The following AXIN1 variants were observed in gnomAD, a reference collection of about 807,000 sequenced individuals.
AXIN1 encodes the protein axin-1.
Under a neutral mutation model 76.4 loss-of-function variants are expected in AXIN1, and 30 were observed. That is an observed-to-expected ratio of 0.39 (90% CI 0.29 to 0.53). AXIN1 has a LOEUF of 0.53. Ranked by LOEUF, AXIN1 falls within the 20% of genes least tolerant of loss-of-function variation. The probability of loss-of-function intolerance (pLI) is 0.66; values close to 1 mark genes in which losing one functional copy is unlikely to be tolerated. For missense variants in AXIN1, 1,140 were observed against 1,198.8 expected, an observed-to-expected ratio of 0.95 and a Z score of 0.72; for synonymous variants, 545 against 501.4, an observed-to-expected ratio of 1.09 and a Z score of -1.16.
At chr16:340,402 C>T (rs934375746) in intron 2 of AXIN1, among the ~76,000 whole-genome samples, 3 of 152,226 alleles carry the variant, frequency 2.0e-5, no homozygotes, top group African/African-American at 7.2e-5. Flanking sequence ...TCAGGGCAGT[C>T]AACAGAAGGG....
intron 9 of AXIN1, chr16:289,916 G>A (rs1029598921): frequency 1.2e-5 from 6 of 508,714 alleles, no homozygotes; most frequent in African/African-American, 9.6e-5. Context: ...GGCAGGGCAG[G>A]CTGCAGGGCT....
In AXIN1 at chr16:352,663, GAGCCCGAGCCAGAGCGCCGA is replaced by G. The variant is rs930436690; in HGVS notation, c.-396_-377del. 6.4e-6 allele frequency: 1 copy of G among 156,478 alleles called. No homozygotes were observed. The highest frequency in any genetic ancestry group is 1.4e-5 in the Non-Finnish European group (1 of 71,268). The allele number at this position is 156,478 out of a possible 1,614,324, so 9.7% of individuals were successfully genotyped here. Reference sequence around the variant, plus strand: ...GCGGCCACGATCGCCTCCCGAGCCAGAGCCCGAGCCAGAGCGCCGAAGCCCAGGCCCGAGCGCCCCCGCCG... The same window carrying G: ...GCGGCCACGATCGCCTCCCGAGCCAGAGCCCAGGCCCGAGCGCCCCCGCCG... On this transcript the variant is annotated 5_prime_UTR_variant, in exon 1 of 11. Transcript: ENST00000262320.
intron 2 of AXIN1, among the ~76,000 whole-genome samples, chr16:325,068 C>A (rs2053549948): frequency 6.6e-6 from 1 of 152,070 alleles, no homozygotes; most frequent in Non-Finnish European, 1.5e-5. Context: ...CAGCCTCAGC[C>A]CCGCGGGCGC....
At chr16:342,394 G>A (rs1394621844) in intron 2 of AXIN1, among the ~76,000 whole-genome samples, 3 of 152,154 alleles carry the variant, frequency 2.0e-5, no homozygotes, top group Non-Finnish European at 4.4e-5. Context: ...GGACACACCG[G>A]GACGACTAAC....
chr16:337,637 T>C (rs2053834011), intron 2 of AXIN1, among the ~76,000 whole-genome samples: 2 of 152,036 alleles, frequency 1.3e-5, no homozygotes, highest in Admixed American at 1.3e-4. Flanking sequence ...GACGCCCAGC[T>C]ACCCGGCCAC....
intron 2 of AXIN1, among the ~76,000 whole-genome samples, chr16:318,963 T>C (rs2053375516): frequency 6.6e-6 from 1 of 151,378 alleles, no homozygotes; most frequent in African/African-American, 2.4e-5. Flanking sequence ...GCCGGGGCCT[T>C]GGTGAGAGCG....
intron 1 of AXIN1, among the ~76,000 whole-genome samples, chr16:351,920 C>CA (rs1415161185): frequency 1.3e-5 from 2 of 152,136 alleles, no homozygotes; most frequent in African/African-American, 2.4e-5. Flanking sequence ...CTAAGAACCA[C>CA]ACCCAAGAGA....
intron 2 of AXIN1, 47 bp downstream of exon 2, chr16:346,101 G>C (rs746683145): frequency 1.9e-5 from 30 of 1,588,288 alleles, no homozygotes; most frequent in Non-Finnish European, 2.5e-5. Flanking sequence ...TTGTTCTCCA[G>C]CTCTCGGAGG....
chr16:313,896 CAT>C lies in AXIN1; in HGVS notation c.1019+645_1019+646del, dbSNP rs145810520. The stretch of plus-strand genomic sequence containing the variant: ...TCTGCCTGTCACCTCGAGCGTCACA[CAT>C]GTGTGGCCCAGGCCTCAGCACAACC... On this transcript the variant is annotated intron_variant, in intron 3 of 10. Coordinates refer to ENST00000262320, the MANE Select transcript of AXIN1 (RefSeq NM_003502.4). Among the ~76,000 whole-genome samples the C allele has an allele frequency of 7.7e-3, 1,176 of 152,368 alleles. 16 individuals are homozygous for C. The highest frequency in any genetic ancestry group is 0.026 in the African/African-American group (1,095 of 41,584).
At chr16:289,335 G>C in intron 10 of AXIN1, 105 bp downstream of exon 10, 1 of 1,471,664 alleles carries the variant, frequency 6.8e-7, no homozygotes, top group Non-Finnish European at 9.3e-7. Context: ...CAAAGTGCCA[G>C]GATTAGGACG....
intron 2 of AXIN1, among the ~76,000 whole-genome samples, chr16:329,673 G>A (rs1400055465): frequency 1.3e-5 from 2 of 151,964 alleles, no homozygotes; most frequent in African/African-American, 2.4e-5. Context: ...TAGAGTGCTG[G>A]AGTGCAGTGG....
intron 2 of AXIN1, among the ~76,000 whole-genome samples, chr16:334,722 C>T (rs1373331042): frequency 6.6e-6 from 1 of 151,890 alleles, no homozygotes; most frequent in Non-Finnish European, 1.5e-5. Context: ...CACCCAGTAC[C>T]ACAGCATGCC....
intron 8 of AXIN1, 65 bp from the exon 9 acceptor site, chr16:291,362 G>T: frequency 7.4e-7 from 1 of 1,343,184 alleles, no homozygotes; most frequent in South Asian, 1.3e-5. Context: ...AGGGAGCCTC[G>T]ACCAATGCTG....
chr16:288,054 T>TCTGCC lies in AXIN1; in HGVS notation c.*63_*67dup. The TCTGCC allele has an allele frequency of 6.2e-7, 1 of 1,610,016 alleles. No homozygotes were observed. The highest frequency in any genetic ancestry group is 1.1e-5 in the South Asian group (1 of 91,062). On this transcript the variant is annotated 3_prime_UTR_variant, in exon 11 of 11. Coordinates refer to ENST00000262320, the MANE Select transcript of AXIN1 (RefSeq NM_003502.4). ...CATCGGGCTCCTGAGTACGAGGTCA[T>TCTGCC]CTGCCTGGCCGTGACACCCGTGCCC...
rs545297306 is a variant in AXIN1 at position 347,039 on chromosome 16, G to C, written c.-14C>G. On this transcript the variant is annotated 5_prime_UTR_variant, in exon 2 of 11. Coordinates refer to ENST00000262320, the MANE Select transcript of AXIN1 (RefSeq NM_003502.4). Reference sequence around the variant, plus strand: ...TTGGATATTCATTTTGGGACTCTGCGTCAAGGAACAATGAGCGCTGCACCC... The same window carrying C: ...TTGGATATTCATTTTGGGACTCTGCCTCAAGGAACAATGAGCGCTGCACCC... The C allele has an allele frequency of 6.2e-7, 1 of 1,613,958 alleles. No homozygotes were observed. The highest frequency in any genetic ancestry group is 1.1e-5 in the South Asian group (1 of 91,074).
intron 2 of AXIN1, among the ~76,000 whole-genome samples, chr16:333,032 A>G (rs1055629226): frequency 1.3e-5 from 2 of 152,058 alleles, no homozygotes; most frequent in East Asian, 3.9e-4. Flanking sequence ...AAAAAACTGT[A>G]AAAAAATATT....
At chr16:322,152 C>T (rs1255099186) in intron 2 of AXIN1, among the ~76,000 whole-genome samples, 2 of 152,336 alleles carry the variant, frequency 1.3e-5, no homozygotes, top group South Asian at 2.1e-4. Flanking sequence ...ACCCAGGCAG[C>T]GCATGCCGCA....
chr16:322,125 G>A (rs942271817), intron 2 of AXIN1, among the ~76,000 whole-genome samples: 6 of 152,208 alleles, frequency 3.9e-5, no homozygotes, highest in South Asian at 4.1e-4. Flanking sequence ...AGAGAGCCCC[G>A]TCTTGTGGCC....
At chr16:320,503 C>T (rs1186686469) in intron 2 of AXIN1, among the ~76,000 whole-genome samples, 1 of 152,074 alleles carries the variant, frequency 6.6e-6, no homozygotes, top group Non-Finnish European at 1.5e-5. Flanking sequence ...GTGATGGTTT[C>T]ATGGAGAAAT....
Sources: allele counts gnomAD v4.1 joint callset (sites outside exome capture counted in the v4.1 genomes callset), GRCh38; gene constraint gnomAD v4.1.1; transcripts MANE v1.5; gene names NCBI Gene and HGNC (gene_info 2026-07-23, HGNC 2026-07-21).